The following TBC1D5 variants were observed in gnomAD, a reference collection of about 807,000 sequenced individuals.
TBC1D5 encodes the protein TBC1 domain family member 5, also known as TBC1 domain family, member 5.
TBC1D5 carries 75 observed loss-of-function variants against 100.3 expected under a neutral mutation model. That is an observed-to-expected ratio of 0.75 (90% CI 0.62 to 0.91). The LOEUF (loss-of-function observed/expected upper bound fraction) is 0.91, where lower values mean the gene tolerates loss of function less well. TBC1D5 is among the 40% of genes least tolerant of loss of function. The probability of loss-of-function intolerance (pLI) is 0.00; values close to 1 mark genes in which losing one functional copy is unlikely to be tolerated. For missense variants in TBC1D5, 910 were observed against 942.4 expected, an observed-to-expected ratio of 0.97 and a Z score of 0.45; for synonymous variants, 323 against 325.6, an observed-to-expected ratio of 0.99 and a Z score of 0.09.
intron 3 of TBC1D5, among the ~76,000 whole-genome samples, chr3:17,483,053 T>G (rs1403414605): frequency 6.6e-6 from 1 of 152,152 alleles, no homozygotes; most frequent in Non-Finnish European, 1.5e-5. Flanking sequence ...TGTGAATGTG[T>G]GTATATGTGT....
intron 3 of TBC1D5, among the ~76,000 whole-genome samples, chr3:17,441,865 A>G (rs557346800): frequency 1.3e-5 from 2 of 152,242 alleles, no homozygotes; most frequent in Non-Finnish European, 2.9e-5. Flanking sequence ...TCACAATAAA[A>G]CAAACCAGAA....
intron 1 of TBC1D5, among the ~76,000 whole-genome samples, chr3:17,705,516 T>TC (rs1392282432): frequency 6.8e-6 from 1 of 147,406 alleles, no homozygotes; most frequent in Non-Finnish European, 1.5e-5. Flanking sequence ...GCGGAGGGTC[T>TC]CCTCACTTCT....
intron 18 of TBC1D5, among the ~76,000 whole-genome samples, chr3:17,189,200 A>C (rs1335996871): frequency 6.6e-6 from 1 of 152,256 alleles, no homozygotes. Flanking sequence ...TCTTTAAAAA[A>C]ATTTTTTTAT....
At chr3:17,329,795 T>C (rs920380877) in intron 13 of TBC1D5, among the ~76,000 whole-genome samples, 1 of 152,122 alleles carries the variant, frequency 6.6e-6, no homozygotes, top group Non-Finnish European at 1.5e-5. Flanking sequence ...GATCTAACAA[T>C]AACCATTTCA....
intron 3 of TBC1D5, among the ~76,000 whole-genome samples, chr3:17,455,911 T>C (rs556771296): frequency 9.2e-5 from 14 of 152,256 alleles, no homozygotes; most frequent in African/African-American, 3.4e-4. Flanking sequence ...ACTGCAGATC[T>C]ATAGTAACCA....
intron 2 of TBC1D5, among the ~76,000 whole-genome samples, chr3:17,556,516 A>G (rs1337197777): frequency 6.6e-6 from 1 of 152,162 alleles, no homozygotes; most frequent in African/African-American, 2.4e-5. Flanking sequence ...TCTCGATGCC[A>G]TCTTACAAGC....
At chr3:17,496,297 T>C (rs2095706481) in intron 3 of TBC1D5, among the ~76,000 whole-genome samples, 1 of 152,238 alleles carries the variant, frequency 6.6e-6, no homozygotes, top group South Asian at 2.1e-4. Context: ...TTGTATTAAT[T>C]GTGATACCAG....
At chr3:17,735,883 G>A (rs1205828644) in intron 1 of TBC1D5, among the ~76,000 whole-genome samples, 1 of 152,192 alleles carries the variant, frequency 6.6e-6, no homozygotes, top group African/African-American at 2.4e-5. Flanking sequence ...AGAAGAGTGT[G>A]CAGTGGCAAG....
chr3:17,358,592 A>G (rs1025912852), intron 13 of TBC1D5, among the ~76,000 whole-genome samples: 11 of 152,258 alleles, frequency 7.2e-5, no homozygotes, highest in Middle Eastern at 3.4e-3. Flanking sequence ...CATAGGTGCA[A>G]TCTCTCAGCT....
rs191036704 is a variant in TBC1D5 at position 17,648,446 on chromosome 3, A to C, written c.-100-24533T>G. 6.5e-4 allele frequency among the ~76,000 whole-genome samples: 99 copies of C among 152,356 alleles called. 1 individual carries two copies. The highest frequency in any genetic ancestry group is 1.2e-3 in the Non-Finnish European group (84 of 68,028). ...AAGATTTCATGACAAAGACACCAAA[A>C]GCAACTGTAACAAAAGCAAAAATTG... On this transcript the variant is annotated intron_variant, in intron 1 of 21. Transcript: ENST00000253692.
intron 3 of TBC1D5, among the ~76,000 whole-genome samples, chr3:17,485,234 CT>C (rs1220172393): frequency 2.6e-5 from 4 of 151,668 alleles, no homozygotes; most frequent in Admixed American, 2.6e-4. Flanking sequence ...AACATTATTA[CT>C]TTCTATGCTC....
chr3:17,208,204 A>G (rs1214430874), intron 18 of TBC1D5, among the ~76,000 whole-genome samples: 1 of 152,212 alleles, frequency 6.6e-6, no homozygotes, highest in Non-Finnish European at 1.5e-5. Flanking sequence ...AGTCCCGGCT[A>G]TGGGCCTAAG....
chr3:17,701,347 A>G (rs7647928), intron 1 of TBC1D5, among the ~76,000 whole-genome samples: 89,447 of 151,756 alleles, frequency 0.59, 27,084 homozygotes, highest in East Asian at 0.99. Context: ...GCTGGAGGAG[A>G]GATAGCATTA....
At chr3:17,633,965 G>C (rs2063697987) in intron 1 of TBC1D5, among the ~76,000 whole-genome samples, 1 of 151,994 alleles carries the variant, frequency 6.6e-6, no homozygotes, top group African/African-American at 2.4e-5. Context: ...ATATGAAAAG[G>C]TGCTCAACAT....
At chr3:17,249,587 T>C (rs1168047717) in intron 16 of TBC1D5, among the ~76,000 whole-genome samples, 1 of 152,152 alleles carries the variant, frequency 6.6e-6, no homozygotes, top group Admixed American at 6.5e-5. Context: ...CGAGTAAAAC[T>C]CCCTGAGCCC....
intron 17 of TBC1D5, among the ~76,000 whole-genome samples, chr3:17,230,429 C>T (rs2075315028): frequency 6.6e-6 from 1 of 152,006 alleles, no homozygotes; most frequent in South Asian, 2.1e-4. Flanking sequence ...ACAATGGTTA[C>T]CCTTGGGGAA....
intron 3 of TBC1D5, among the ~76,000 whole-genome samples, chr3:17,434,474 T>C (rs1317327659): frequency 6.6e-6 from 1 of 152,204 alleles, no homozygotes; most frequent in Non-Finnish European, 1.5e-5. Context: ...ATTCTTTTAG[T>C]TACAGCTGGA....
chr3:17,678,875 GA>G (rs1242251212), intron 1 of TBC1D5, among the ~76,000 whole-genome samples: 6 of 148,550 alleles, frequency 4.0e-5, no homozygotes, highest in Admixed American at 1.3e-4. Context: ...ATATAGCCAG[GA>G]AAAAAAAAGT....
At chr3:17,558,529 T>A (rs1413463725) in intron 2 of TBC1D5, among the ~76,000 whole-genome samples, 1 of 152,110 alleles carries the variant, frequency 6.6e-6, no homozygotes, top group Admixed American at 6.5e-5. Context: ...CATGAACAGG[T>A]TGAATTCATA....
Sources: gnomAD v4.1 joint callset for allele counts (sites outside exome capture counted in the v4.1 genomes callset) on GRCh38, gnomAD v4.1.1 for gene constraint, MANE v1.5 for transcripts, NCBI Gene and HGNC (gene_info 2026-07-23, HGNC 2026-07-21) for gene names.